The following INF2 variants were observed in gnomAD, a reference collection of about 807,000 sequenced individuals.
INF2 encodes inverted formin-2.
Under a neutral mutation model 123.5 loss-of-function variants are expected in INF2, and 43 were observed. That is an observed-to-expected ratio of 0.35 (90% confidence interval 0.27 to 0.45). The LOEUF is 0.45. INF2 is among the 20% of genes least tolerant of loss of function. INF2 has a pLI of 1.00. For synonymous variants in INF2, 851 were observed against 745.0 expected (o/e 1.14, Z -2.32); for missense variants, 1,453 against 1,682.7 (o/e 0.86, Z 2.39).
chr14:104,715,827 C>T, intron 22 of INF2: 1 of 461,290 alleles, frequency 2.2e-6, no homozygotes, highest in Non-Finnish European at 4.3e-6. Flanking sequence ...TGGGGCATGT[C>T]CCCAGGAAGT....
chr14:104,716,115 G>A, intron 22 of INF2: 1 of 365,560 alleles, frequency 2.7e-6, no homozygotes, highest in South Asian at 2.0e-5. Context: ...AGAAGGTCCA[G>A]CCCGGCCGAT....
At chr14:104,709,839 A>G (rs1297774425) in intron 12 of INF2, 134 bp downstream of exon 12, 2 of 808,684 alleles carry the variant, frequency 2.5e-6, no homozygotes, top group African/African-American at 3.4e-5. Context: ...GCAGCATTGC[A>G]GCGGTTGGGC....
In INF2 at chr14:104,707,600, C is replaced by T. The variant is rs1232555711; in HGVS notation, c.1333C>T (p.Pro445Ser). Residue 445 changes from proline (P) to serine (S), a missense_variant, in exon 8 of 23, where the codon CCC (proline) becomes TCC (serine). By Grantham distance (74) the Pro-to-Ser change is moderately conservative (BLOSUM62 -1). Around this residue, in one of 8 missense-constraint regions of INF2, gnomAD observed 374 missense variants for 303.7 expected, o/e 1.23. Transcript: ENST00000392634. ...GCCCCCTCCCCCTCCCCCACCACCC[C>T]CCCTGCCCAGTGTGGGGGCTAAGGC... ...AEPPPPPPPP[P>S]LPSVGAKALP... 3 of 1,142,750 alleles carry T rather than the reference C, an allele frequency of 2.6e-6. No individual in the cohort carries two copies. Among genetic ancestry groups the T allele is most frequent in the Admixed American group, 4.3e-5 (2 of 46,282 alleles). 70.8% of individuals were successfully genotyped at this position (1,142,750 alleles called of 1,614,324 possible). A position where few individuals can be genotyped will look rare whatever the true frequency, so the allele number is the denominator to read the frequency against.
chr14:104,718,148 T>C (rs1890402386), intron 22 of INF2, among the ~76,000 whole-genome samples: 1 of 152,272 alleles, frequency 6.6e-6, no homozygotes, highest in Non-Finnish European at 1.5e-5. Flanking sequence ...TCTTGCTGTC[T>C]GTTTAGAGTA....
At chr14:104,709,840 G>A in intron 12 of INF2, 135 bp downstream of exon 12, 1 of 802,986 alleles carries the variant, frequency 1.2e-6, no homozygotes, top group South Asian at 1.5e-5. Flanking sequence ...CAGCATTGCA[G>A]CGGTTGGGCT....
In INF2 at chr14:104,709,386, A is replaced by G. The variant is rs1382855956; in HGVS notation, c.2052+3A>G. 19 of 1,608,562 alleles carry G rather than the reference A, an allele frequency of 1.2e-5. No individual in the cohort carries two copies. The highest frequency in any genetic ancestry group is 1.6e-5 in the Non-Finnish European group (19 of 1,175,876). On this transcript the variant is annotated splice_donor_region_variant and intron_variant, in intron 11 of 22. Transcript: ENST00000392634. ...AGCTCCTTCCCGAGAAGCACGAGGT[A>G]AGAGGACCACCCCCACACCCCACCC...
intron 22 of INF2, among the ~76,000 whole-genome samples, chr14:104,716,772 C>T (rs1890318163): frequency 6.6e-6 from 1 of 152,236 alleles, no homozygotes; most frequent in East Asian, 1.9e-4. Flanking sequence ...CTCACAGCAA[C>T]CTCCACCTTC....
chr14:104,707,767 GCCCCCA>G lies in INF2; in HGVS notation c.1511_1516del (p.Pro504_Pro505del), dbSNP rs1191246204. 5.2e-5 allele frequency: 32 copies of G among 614,966 alleles called. No individual in the cohort carries two copies. The highest frequency in any genetic ancestry group is 6.7e-5 in the Admixed American group (2 of 29,716). The allele number at this position is 614,966 out of a possible 1,614,324, so 38.1% of individuals were successfully genotyped here. On this transcript the variant is annotated inframe_deletion, in exon 8 of 23. Coordinates refer to ENST00000392634, the MANE Select transcript of INF2 (RefSeq NM_022489.4). ...CACCACTCCCGGGCTTGGGATGCCC[GCCCCCA>G]CCCCCACCCCTGCTGCCTGGTATGG...
chr14:104,688,600 A>G (rs1392125426), upstream of INF2, among the ~76,000 whole-genome samples: 2 of 152,212 alleles, frequency 1.3e-5, no homozygotes, highest in East Asian at 3.9e-4. Flanking sequence ...CAGATGGGGA[A>G]ACTGAGGCTC....
At chr14:104,701,817 G>T in intron 2 of INF2, 61 bp downstream of exon 2, 1 of 1,429,280 alleles carries the variant, frequency 7.0e-7, no homozygotes, top group Non-Finnish European at 9.2e-7. Flanking sequence ...TGAGGCTTCA[G>T]GCCCAAAAGG....
At chr14:104,696,156 T>A (rs12588024) in intron 1 of INF2, among the ~76,000 whole-genome samples, 11,208 of 152,268 alleles carry the variant, frequency 0.074, 453 homozygotes, top group Middle Eastern at 0.13. Context: ...GCCCACCTGC[T>A]CCCAGGGGGC....
At position 104,699,376 on chromosome 14, in the gene INF2, G is replaced by A; in HGVS notation, c.-9-1981G>A. On this transcript the variant is annotated intron_variant, in intron 1 of 22. Coordinates refer to ENST00000392634, the MANE Select transcript of INF2 (RefSeq NM_022489.4). This position sits in a 1 kb window ranked among gnomAD's most constrained non-coding sequence, Gnocchi z 4.7. ...AGGCAGCAACAGCCAAGGCGGGTGG[G>A]AATATATGCAGAGGCCCGGCTGCCT... 1 of 985,064 alleles carries A rather than the reference G, an allele frequency of 1.0e-6. No homozygotes were observed. Among genetic ancestry groups the A allele is most frequent in the African/African-American group, 1.7e-5 (1 of 57,336 alleles). 61.0% of individuals were successfully genotyped at this position (985,064 alleles called of 1,614,324 possible). A position where few individuals can be genotyped will look rare whatever the true frequency, so the allele number is the denominator to read the frequency against.
rs953957957 is a variant in INF2 at position 104,699,152 on chromosome 14, G to A, written c.-9-2205G>A. ...GGCCTGGGGCACGGTGGCTCTCGGCGGCACTGCTTGTCTCTAAAAGGTCAG... is the reference window on the plus strand; with the variant it reads ...GGCCTGGGGCACGGTGGCTCTCGGCAGCACTGCTTGTCTCTAAAAGGTCAG... On this transcript the variant is annotated intron_variant, in intron 1 of 22. Coordinates refer to ENST00000392634, the MANE Select transcript of INF2 (RefSeq NM_022489.4). This position sits in a 1 kb window ranked among gnomAD's most constrained non-coding sequence, Gnocchi z 4.7. Among the ~76,000 whole-genome samples the A allele has an allele frequency of 5.3e-5, 8 of 152,188 alleles. No homozygotes were observed. Among genetic ancestry groups the A allele is most frequent in the African/African-American group, 7.2e-5 (3 of 41,520 alleles).
In INF2 at chr14:104,684,269, G is replaced by A; in HGVS notation, c.-104+2687G>A. ...TCGAGGGCTCACTGGAGGTCAGCAGGGAGGTGGACTGCGTCTCCCGAGGGC... is the reference window on the plus strand; with the variant it reads ...TCGAGGGCTCACTGGAGGTCAGCAGAGAGGTGGACTGCGTCTCCCGAGGGC... On this transcript the variant is annotated intron_variant, in intron 1 of 2. Coordinates refer to the INF2 transcript ENST00000674723. The surrounding 1 kb of genome is among the most constrained non-coding windows in gnomAD (Gnocchi z 5.0). The A allele has an allele frequency of 2.5e-6, 1 of 394,780 alleles. No individual in the cohort carries two copies. Among genetic ancestry groups the A allele is most frequent in the Non-Finnish European group, 5.1e-6 (1 of 196,100 alleles). The allele number at this position is 394,780 out of a possible 1,614,324, so 24.5% of individuals were successfully genotyped here. A position where few individuals can be genotyped will look rare whatever the true frequency, so the allele number is the denominator to read the frequency against.
chr14:104,715,267 C>T lies in INF2; in HGVS notation c.3695-17C>T. On this transcript the variant is annotated splice_polypyrimidine_tract_variant and intron_variant, in intron 21 of 22. Transcript: ENST00000392634. ...GTGTGATAAGCCGTTGAGTGCGTTTCTTTTATTTGGAAGCAGAGGTTCCCC... is the reference window on the plus strand; with the variant it reads ...GTGTGATAAGCCGTTGAGTGCGTTTTTTTTATTTGGAAGCAGAGGTTCCCC... The T allele has an allele frequency of 3.1e-6, 5 of 1,613,318 alleles. No individual in the cohort carries two copies. Among genetic ancestry groups the T allele is most frequent in the Non-Finnish European group, 4.2e-6 (5 of 1,179,492 alleles).
intron 8 of INF2, 110 bp from the exon 9 acceptor site, chr14:104,708,326 G>A: frequency 2.2e-6 from 3 of 1,392,680 alleles, no homozygotes; most frequent in South Asian, 1.3e-5. Flanking sequence ...GACCTACTGG[G>A]CCCCAGGCAG....
intron 5 of INF2, among the ~76,000 whole-genome samples, chr14:104,705,014 T>C (rs1889711807): frequency 7.4e-6 from 1 of 135,152 alleles, no homozygotes; most frequent in Non-Finnish European, 1.5e-5. Flanking sequence ...GGAACCCACA[T>C]AGCTGAGAAG....
chr14:104,696,197 G>A (rs1233056369), intron 1 of INF2, among the ~76,000 whole-genome samples: 2 of 152,228 alleles, frequency 1.3e-5, no homozygotes, highest in African/African-American at 4.8e-5. Context: ...CCTCACAGTG[G>A]CCCGGGGGCC....
chr14:104,685,854 G>A (rs1259088305), upstream of INF2, among the ~76,000 whole-genome samples: 3 of 148,224 alleles, frequency 2.0e-5, no homozygotes, highest in African/African-American at 7.5e-5. Flanking sequence ...GTGGATGGTG[G>A]GTGGATGGAT....
Sources: gnomAD v4.1 joint callset for allele counts (sites outside exome capture counted in the v4.1 genomes callset) on GRCh38, gnomAD v4.1.1 for gene constraint, gnomAD v4.1.1 regional missense constraint, Gnocchi (gnomAD v3.1) non-coding constraint, MANE v1.5 for transcripts, NCBI Gene and HGNC (gene_info 2026-07-23, HGNC 2026-07-21) for gene names.